The following CTNNAL1 variants were observed in gnomAD, a reference collection of about 807,000 sequenced individuals.
CTNNAL1 encodes alpha-catulin.
Under a neutral mutation model 93.6 loss-of-function variants are expected in CTNNAL1, and 69 were observed. The observed-to-expected ratio is 0.74, with a 90% CI of 0.61 to 0.90. CTNNAL1 has a LOEUF of 0.90. CTNNAL1 is among the 40% of genes least tolerant of loss of function. The pLI is 0.00. For missense variants in CTNNAL1, 836 were observed against 862.0 expected (o/e 0.97, Z 0.38); for synonymous variants, 286 against 305.4 (o/e 0.94, Z 0.66).
intron 1 of CTNNAL1, among the ~76,000 whole-genome samples, chr9:109,012,526 T>A (rs1450442779): frequency 6.6e-6 from 1 of 152,194 alleles, no homozygotes; most frequent in Non-Finnish European, 1.5e-5. Flanking sequence ...TGAAGCTGCA[T>A]ATAACCCAGC....
chr9:108,980,213 C>A lies in CTNNAL1; in HGVS notation c.901-732G>T, dbSNP rs11788406. Among the ~76,000 whole-genome samples, 746 of 152,280 alleles carry A rather than the reference C, an allele frequency of 4.9e-3. 6 individuals are homozygous for A. Among genetic ancestry groups the A allele is most frequent in the Non-Finnish European group, 8.0e-3 (542 of 68,016 alleles). ...CAGTCTATCTCACCCCCTGAACCCC[C>A]TAACAACCTTTCACTTCAGCCATCC... On this transcript the variant is annotated intron_variant, in intron 6 of 18. Transcript: ENST00000325551.
At chr9:108,991,050 A>G (rs1199430337) in intron 3 of CTNNAL1, among the ~76,000 whole-genome samples, 2 of 152,214 alleles carry the variant, frequency 1.3e-5, no homozygotes, top group African/African-American at 2.4e-5. Context: ...TGATTTGTTT[A>G]TATGATGAGA....
At chr9:108,975,348 G>A (rs1264119489) in intron 8 of CTNNAL1, among the ~76,000 whole-genome samples, 2 of 151,846 alleles carry the variant, frequency 1.3e-5, no homozygotes, top group Non-Finnish European at 2.9e-5. Context: ...GGGGTAGGGG[G>A]GGCAACAGGA....
intron 8 of CTNNAL1, 30 bp from the exon 9 acceptor site, chr9:108,972,863 G>GCCCAA: frequency 4.3e-6 from 1 of 231,688 alleles, no homozygotes; most frequent in Non-Finnish European, 7.1e-6. Context: ...TGGGGGGGTG[G>GCCCAA]GAGGGTGGAG....
chr9:108,972,528 A>T lies in CTNNAL1; in HGVS notation c.1347+147T>A, dbSNP rs1185788948. ...GAGGCCAGACTGTTGCAGGAACAGA[A>T]CAGATACATGGTATGCTTTTAAGAT... On this transcript the variant is annotated intron_variant, in intron 9 of 18. Coordinates refer to ENST00000325551, the MANE Select transcript of CTNNAL1 (RefSeq NM_003798.4). 3 of 701,128 alleles carry T rather than the reference A, an allele frequency of 4.3e-6. No individual in the cohort carries two copies. The Admixed American group carries it at 8.7e-5, about 20-fold the overall frequency. The allele number at this position is 701,128 out of a possible 1,614,324, so 43.4% of individuals were successfully genotyped here.
Position 108,979,286 on chromosome 9 carries a change from G to A in CTNNAL1, c.1096C>T (p.Gln366Ter). The A allele has an allele frequency of 1.9e-6, 3 of 1,614,076 alleles. No homozygotes were observed. The highest frequency in any genetic ancestry group is 2.5e-6 in the Non-Finnish European group (3 of 1,179,978). Residue 366 changes from glutamine to a stop codon, truncating the protein, a stop_gained, in exon 7 of 19, where the codon CAA becomes TAA. Transcript: ENST00000325551. LOFTEE classifies it high-confidence loss of function. ...ELQQLISVWIQAQSKKTKSIA... is the reference protein window; with the variant it reads ...ELQQLISVWI ...ATTTTAAAAAAAGTTCTTACAGCTTGAATCCACACAGAAATTAACTGCTGC... is the reference window on the plus strand; with the variant it reads ...ATTTTAAAAAAAGTTCTTACAGCTTAAATCCACACAGAAATTAACTGCTGC...
intron 4 of CTNNAL1, among the ~76,000 whole-genome samples, chr9:108,990,466 G>A (rs1311744486): frequency 6.6e-6 from 1 of 152,184 alleles, no homozygotes; most frequent in Admixed American, 6.6e-5. Flanking sequence ...AAAGGAAGAA[G>A]TACTTGAGTT....
intron 2 of CTNNAL1, among the ~76,000 whole-genome samples, chr9:108,993,240 A>G (rs992083780): frequency 1.3e-5 from 2 of 152,186 alleles, no homozygotes; most frequent in Non-Finnish European, 2.9e-5. Flanking sequence ...GTCACTGCCA[A>G]TCTCCACAAG....
At chr9:108,987,346 C>T (rs1436420019) in intron 4 of CTNNAL1, among the ~76,000 whole-genome samples, 5 of 152,016 alleles carry the variant, frequency 3.3e-5, no homozygotes, top group Non-Finnish European at 5.9e-5. Flanking sequence ...TGTAGATATG[C>T]AGCATTATTT....
At chr9:108,969,041 G>A (rs1359198975) in intron 10 of CTNNAL1, among the ~76,000 whole-genome samples, 1 of 152,142 alleles carries the variant, frequency 6.6e-6, no homozygotes, top group African/African-American at 2.4e-5. Flanking sequence ...GGAGGCCGAG[G>A]CGGGGGGATC....
chr9:108,946,297 CA>C (rs35064357), intron 15 of CTNNAL1, among the ~76,000 whole-genome samples: 9,377 of 95,040 alleles, frequency 0.099, 635 homozygotes, highest in African/African-American at 0.28. Context: ...GACTAAGTCT[CA>C]AAAAAAAAAA....
intron 17 of CTNNAL1, 31 bp from the exon 18 acceptor site, chr9:108,943,075 T>TCTAAAAGTAGTA: frequency 6.4e-7 from 1 of 1,566,668 alleles, no homozygotes; most frequent in Non-Finnish European, 8.7e-7. Flanking sequence ...CAAATGATAT[T>TCTAAAAGTAGTA]CTAAAAGTAG....
intron 14 of CTNNAL1, among the ~76,000 whole-genome samples, chr9:108,949,335 C>T (rs1830493123): frequency 6.6e-6 from 1 of 152,146 alleles, no homozygotes; most frequent in South Asian, 2.1e-4. Context: ...ACAATTCTGA[C>T]ACTGAAACAA....
intron 4 of CTNNAL1, 51 bp from the exon 5 acceptor site, chr9:108,984,487 A>G (rs1196115258): frequency 5.0e-6 from 5 of 996,798 alleles, no homozygotes; most frequent in Admixed American, 1.9e-5. Context: ...TGAACAACCC[A>G]ATTTCTTAAA....
intron 15 of CTNNAL1, among the ~76,000 whole-genome samples, chr9:108,944,783 A>G (rs1483546028): frequency 2.0e-5 from 3 of 152,204 alleles, no homozygotes; most frequent in Non-Finnish European, 4.4e-5. Flanking sequence ...ATAGGTCTTC[A>G]TAATAAATTA....
intron 2 of CTNNAL1, 37 bp downstream of exon 2, chr9:108,999,030 G>C (rs757520723): frequency 2.0e-6 from 3 of 1,537,274 alleles, no homozygotes; most frequent in Non-Finnish European, 2.6e-6. Context: ...AGCAATAAAA[G>C]TGGTATGAAT....
chr9:108,975,494 T>A (rs528362545), intron 8 of CTNNAL1, among the ~76,000 whole-genome samples: 1 of 152,066 alleles, frequency 6.6e-6, no homozygotes, highest in Non-Finnish European at 1.5e-5. Flanking sequence ...TCTCTCTCTA[T>A]GCCACAACCT....
At chr9:109,012,695 C>A (rs1366144931) in intron 1 of CTNNAL1, among the ~76,000 whole-genome samples, 1 of 152,196 alleles carries the variant, frequency 6.6e-6, no homozygotes, top group East Asian at 1.9e-4. Context: ...CGGACAGAAG[C>A]GGGCAGAAGT....
chr9:108,987,660 A>G (rs1831656545), intron 4 of CTNNAL1, among the ~76,000 whole-genome samples: 1 of 152,166 alleles, frequency 6.6e-6, no homozygotes, highest in African/African-American at 2.4e-5. Context: ...CCTACCCATG[A>G]GCATGGAATG....
Sources: gnomAD v4.1 joint callset for allele counts (sites outside exome capture counted in the v4.1 genomes callset) on GRCh38, gnomAD v4.1.1 for gene constraint, MANE v1.5 for transcripts, NCBI Gene and HGNC (gene_info 2026-07-23, HGNC 2026-07-21) for gene names.